Variants in ZSCAN30 observed in about 807,000 individuals in gnomAD.
ZSCAN30 encodes the protein zinc finger and SCAN domain containing 30.
In ZSCAN30, 37 loss-of-function variants were observed where a neutral mutation model predicts 44.3. That is an observed-to-expected ratio of 0.84 (90% CI 0.64 to 1.10). ZSCAN30 has a LOEUF of 1.10. ZSCAN30 is among the 50% of genes least tolerant of loss of function. The pLI is 0.00. For synonymous variants in ZSCAN30, 181 were observed against 204.6 expected (o/e 0.88, Z 0.98); for missense variants, 549 against 582.6 (o/e 0.94, Z 0.59).
chr18:35,270,675 G>A (rs765131386), intron 1 of ZSCAN30, among the ~76,000 whole-genome samples: 10 of 152,078 alleles, frequency 6.6e-5, no homozygotes, highest in South Asian at 2.1e-4. Context: ...CCCCCTCCGC[G>A]GCTCAAGCAA....
At chr18:35,286,108 T>C (rs1011483366) in intron 1 of ZSCAN30, among the ~76,000 whole-genome samples, 1 of 152,146 alleles carries the variant, frequency 6.6e-6, no homozygotes, top group Non-Finnish European at 1.5e-5. Context: ...CTTTAAATGA[T>C]ACAAAATACT....
At chr18:35,254,554 C>A in intron 3 of ZSCAN30, 173 bp from the exon 4 acceptor site, 3 of 1,188,520 alleles carry the variant, frequency 2.5e-6, no homozygotes, top group Non-Finnish European at 3.6e-6. Context: ...CCAAATATGG[C>A]CCCCTTGGAG....
chr18:35,251,157 T>G lies in ZSCAN30; in HGVS notation c.*2293A>C, dbSNP rs1342787662. The G allele has an allele frequency of 1.3e-5, 2 of 152,180 alleles. No individual in the cohort carries two copies. Among genetic ancestry groups the G allele is most frequent in the Admixed American group, 1.3e-4 (2 of 15,278 alleles). The allele number at this position is 152,180 out of a possible 1,614,324, so 9.4% of individuals were successfully genotyped here. Reference sequence around the variant, plus strand: ...TTTGAAATTAGTTACCAAAAATCATTTACTAAACAGTAGTTTTACTAAAAA... The same window carrying G: ...TTTGAAATTAGTTACCAAAAATCATGTACTAAACAGTAGTTTTACTAAAAA... On this transcript the variant is annotated 3_prime_UTR_variant, in exon 4 of 4. Coordinates refer to ENST00000333206, the MANE Select transcript of ZSCAN30 (RefSeq NM_001112734.4).
chr18:35,264,306 T>G lies in ZSCAN30; in HGVS notation c.47A>C (p.Gln16Pro). The change falls in exon 2 of 4, where the codon CAG (glutamine) becomes CCG (proline). Residue 16 changes from glutamine to proline, a missense_variant. Gln to Pro is a moderately conservative substitution (Grantham distance 76). Coordinates refer to ENST00000333206, the MANE Select transcript of ZSCAN30 (RefSeq NM_001112734.4). Reference protein sequence around the residue: ...TVLAYHAPEEQEGLLVVKVEE... With the variant: ...TVLAYHAPEEPEGLLVVKVEE... ...AACCTTGACAACTAGAAGTCCTTCC[T>G]GTTCTTCTGGAGCATGGTAGGCCAA... 6.2e-7 allele frequency: 1 copy of G among 1,614,090 alleles called. No homozygotes were observed. The highest frequency in any genetic ancestry group is 8.5e-7 in the Non-Finnish European group (1 of 1,180,026).
At chr18:35,266,983 T>C (rs1465775710) in intron 1 of ZSCAN30, 8 of 151,862 alleles carry the variant, frequency 5.3e-5, no homozygotes, top group African/African-American at 1.9e-4. Context: ...AATTTTTTAG[T>C]GTAAAATACT....
At chr18:35,277,959 T>C (rs1328388384) in intron 1 of ZSCAN30, among the ~76,000 whole-genome samples, 1 of 152,228 alleles carries the variant, frequency 6.6e-6, no homozygotes, top group Non-Finnish European at 1.5e-5. Context: ...AAAATAGACA[T>C]ATTAAAGCTA....
intron 1 of ZSCAN30, among the ~76,000 whole-genome samples, chr18:35,272,047 C>T (rs955598653): frequency 6.6e-6 from 1 of 152,354 alleles, no homozygotes; most frequent in South Asian, 2.1e-4. Flanking sequence ...CCAGCTCCCC[C>T]TCGGCCAGCC....
At chr18:35,289,210 A>G (rs373785233) in intron 1 of ZSCAN30, 2 of 152,180 alleles carry the variant, frequency 1.3e-5, no homozygotes, top group East Asian at 1.9e-4. Context: ...TCCTGATCTC[A>G]GGTGATCCAC....
intron 3 of ZSCAN30, chr18:35,260,439 T>C (rs1387958438): frequency 6.6e-6 from 1 of 152,224 alleles, no homozygotes; most frequent in Non-Finnish European, 1.5e-5. Context: ...ATCACCACAC[T>C]GTCTTCCACA....
intron 3 of ZSCAN30, chr18:35,254,733 G>A: frequency 9.2e-6 from 3 of 325,110 alleles, no homozygotes; most frequent in Non-Finnish European, 1.2e-5. Flanking sequence ...AGATAATCAG[G>A]AAAAAAAAGT....
intron 3 of ZSCAN30, chr18:35,263,263 A>C (rs965262228): frequency 1.1e-5 from 5 of 466,798 alleles, no homozygotes; most frequent in African/African-American, 2.0e-5. Context: ...AAAAGAAAAA[A>C]GAAAAAGAAA....
chr18:35,264,923 G>T (rs1444924533), intron 1 of ZSCAN30, among the ~76,000 whole-genome samples: 1 of 152,086 alleles, frequency 6.6e-6, no homozygotes, highest in Non-Finnish European at 1.5e-5. Flanking sequence ...GAGGCGGGAG[G>T]ATCACGAGGT....
intron 1 of ZSCAN30, among the ~76,000 whole-genome samples, chr18:35,275,041 A>C (rs1402557315): frequency 1.3e-5 from 2 of 152,192 alleles, no homozygotes; most frequent in Non-Finnish European, 2.9e-5. Flanking sequence ...TTTCTTCTAC[A>C]AATTTTACAA....
intron 3 of ZSCAN30, chr18:35,258,351 C>A: frequency 5.3e-6 from 1 of 187,464 alleles, no homozygotes. Context: ...AACATACTGC[C>A]ACTATGAAGT....
At chr18:35,262,818 G>A (rs1435912819) in intron 3 of ZSCAN30, 1 of 152,882 alleles carries the variant, frequency 6.5e-6, no homozygotes, top group Non-Finnish European at 1.5e-5. Flanking sequence ...GCAGGAAAGG[G>A]GAAGTTGTGG....
At chr18:35,268,691 C>T (rs2044213483) in intron 1 of ZSCAN30, 1 of 152,206 alleles carries the variant, frequency 6.6e-6, no homozygotes, top group African/African-American at 2.4e-5. Context: ...GAGATGTTAC[C>T]TGTGGACTGT....
intron 3 of ZSCAN30, chr18:35,258,234 A>T (rs112399981): frequency 1.6e-5 from 8 of 493,238 alleles, no homozygotes; most frequent in African/African-American, 9.7e-5. Context: ...AGTCAAGGCC[A>T]TTCATGGCCA....
In ZSCAN30 at chr18:35,256,035, A is replaced by C. The variant is rs563979412; in HGVS notation, c.554-1654T>G. On this transcript the variant is annotated intron_variant, in intron 3 of 3. Coordinates refer to ENST00000333206, the MANE Select transcript of ZSCAN30 (RefSeq NM_001112734.4). ...AATATAATTGTGTAGGGACAAAATT[A>C]AGGGCAATGAAAATTAGAAAAGCAA... Among the ~76,000 whole-genome samples the C allele has an allele frequency of 2.0e-5, 3 of 152,042 alleles. No individual in the cohort carries two copies. The South Asian group carries it at 6.2e-4, about 32-fold the overall frequency.
At position 35,253,627 on chromosome 18, in the gene ZSCAN30, A is replaced by G; in HGVS notation, c.1308T>C (p.Thr436=). Residue 436 remains threonine (T), a synonymous_variant, in exon 4 of 4, where the codon ACT becomes ACC. Coordinates refer to ENST00000333206, the MANE Select transcript of ZSCAN30 (RefSeq NM_001112734.4). The stretch of plus-strand genomic sequence containing the variant: ...CATTACATTCATAAGGTTTCTCTCC[A>G]GTGTGAATTCTTTGATGTTCAATAA... The part of the protein sequence containing the change: ...SILIEHQRIH[T]GEKPYECNEC... The G allele has an allele frequency of 6.2e-7, 1 of 1,614,150 alleles. No individual in the cohort carries two copies. The highest frequency in any genetic ancestry group is 2.2e-5 in the East Asian group (1 of 44,886).
Sources: gnomAD v4.1 joint callset for allele counts (sites outside exome capture counted in the v4.1 genomes callset) on GRCh38, gnomAD v4.1.1 for gene constraint, MANE v1.5 for transcripts, NCBI Gene and HGNC (gene_info 2026-07-23, HGNC 2026-07-21) for gene names.